LYPD6: variants seen among roughly 807,000 people sequenced by gnomAD.
LYPD6 encodes the protein ly6/PLAUR domain-containing protein 6.
A neutral mutation model predicts 22.7 loss-of-function variants in LYPD6; 15 were observed. The ratio of observed to expected loss-of-function variants is 0.66; its 90% CI spans 0.44 to 1.02. The LOEUF is 1.02. Ranked by LOEUF, LYPD6 falls within the 50% of genes least tolerant of loss-of-function variation. The probability of loss-of-function intolerance (pLI) is 0.00; values close to 1 mark genes in which losing one functional copy is unlikely to be tolerated. For synonymous variants in LYPD6, 72 were observed against 77.5 expected (o/e 0.93, Z 0.37); for missense variants, 189 against 208.4 (o/e 0.91, Z 0.57).
At chr2:149,475,049 T>C (rs1421708411), downstream of LYPD6, among the ~76,000 whole-genome samples, 3 of 152,186 alleles carry the variant, frequency 2.0e-5, no homozygotes, top group Non-Finnish European at 4.4e-5. Context: ...AAAGAAATTC[T>C]TCACTTTATA....
intron 3 of LYPD6, among the ~76,000 whole-genome samples, chr2:149,452,507 A>G (rs560841902): frequency 6.6e-6 from 1 of 152,364 alleles, no homozygotes; most frequent in African/African-American, 2.4e-5. Flanking sequence ...AGGAAGGGCA[A>G]CTGAGACACT....
chr2:149,458,224 C>G (rs1184828414), intron 3 of LYPD6, among the ~76,000 whole-genome samples: 2 of 152,160 alleles, frequency 1.3e-5, no homozygotes, highest in Non-Finnish European at 1.5e-5. Flanking sequence ...TCCCTCCCCA[C>G]CAGGCAGTAA....
intron 1 of LYPD6, among the ~76,000 whole-genome samples, chr2:149,391,017 G>C (rs563541345): frequency 1.3e-4 from 20 of 152,324 alleles, no homozygotes; most frequent in Admixed American, 6.5e-4. Context: ...CAGTGTTATT[G>C]TGCCAGTATA....
chr2:149,359,383 C>G (rs990829505), intron 1 of LYPD6, among the ~76,000 whole-genome samples: 1 of 152,160 alleles, frequency 6.6e-6, no homozygotes, highest in Non-Finnish European at 1.5e-5. Context: ...AACTTCAGCT[C>G]TTTAGTTGAA....
chr2:149,444,222 C>T (rs1286758705), intron 2 of LYPD6, among the ~76,000 whole-genome samples: 2 of 152,158 alleles, frequency 1.3e-5, no homozygotes, highest in Non-Finnish European at 2.9e-5. Flanking sequence ...CGTTGGCCAC[C>T]ATGTTCCACC....
chr2:149,484,990 T>C, the LYPD6 span, among the ~76,000 whole-genome samples: 2 of 152,196 alleles, frequency 1.3e-5, no homozygotes, highest in African/African-American at 4.8e-5. Flanking sequence ...TTGTTCTGTT[T>C]CTTGTCTTGG....
At position 149,435,252 on chromosome 2, in the gene LYPD6, C is replaced by T. The variant is rs377329453; in HGVS notation, c.-71-2386C>T. Among the ~76,000 whole-genome samples, 780 of 152,304 alleles carry T rather than the reference C, an allele frequency of 5.1e-3. 3 individuals carry two copies. Among genetic ancestry groups the T allele is most frequent in the African/African-American group, 0.018 (762 of 41,562 alleles). On this transcript the variant is annotated intron_variant, in intron 1 of 4. Coordinates refer to ENST00000334166, the MANE Select transcript of LYPD6 (RefSeq NM_194317.5). ...GAGAAATCTCTGTTGTATAAGCCCC[C>T]CAGTCTATGGTATTTTGTTACGGCA...
chr2:149,336,317 A>G (rs897078961), intron 1 of LYPD6, among the ~76,000 whole-genome samples: 3 of 152,226 alleles, frequency 2.0e-5, no homozygotes, highest in African/African-American at 7.2e-5. Context: ...AACTTAAAAG[A>G]TCATCTAAAT....
intron 2 of LYPD6, among the ~76,000 whole-genome samples, chr2:149,441,258 A>G (rs1452311526): frequency 6.6e-6 from 1 of 152,210 alleles, no homozygotes; most frequent in Admixed American, 6.5e-5. Context: ...TTGTAGATGA[A>G]GGCACAAACA....
chr2:149,359,331 T>A (rs541985916), intron 1 of LYPD6, among the ~76,000 whole-genome samples: 1 of 152,316 alleles, frequency 6.6e-6, no homozygotes, highest in African/African-American at 2.4e-5. Context: ...TGGCACACAG[T>A]AGGCACACAA....
At chr2:149,353,925 G>T (rs1681404973) in intron 1 of LYPD6, among the ~76,000 whole-genome samples, 1 of 152,156 alleles carries the variant, frequency 6.6e-6, no homozygotes, top group African/African-American at 2.4e-5. Flanking sequence ...CCACAAAAGG[G>T]TGGTTCTGCC....
chr2:149,468,187 A>ACC (rs1345072196), intron 3 of LYPD6, among the ~76,000 whole-genome samples: 1 of 141,262 alleles, frequency 7.1e-6, no homozygotes, highest in Non-Finnish European at 1.5e-5. Flanking sequence ...ACACACACAC[A>ACC]CCAGCCACTG....
chr2:149,462,579 T>C (rs1481779492), intron 3 of LYPD6, among the ~76,000 whole-genome samples: 1 of 151,528 alleles, frequency 6.6e-6, no homozygotes, highest in Non-Finnish European at 1.5e-5. Context: ...ACAGTTTATA[T>C]GGAAAGATAA....
At chr2:149,392,877 T>A (rs1419274110) in intron 1 of LYPD6, among the ~76,000 whole-genome samples, 1 of 151,924 alleles carries the variant, frequency 6.6e-6, no homozygotes, top group African/African-American at 2.4e-5. Flanking sequence ...TACAAAAAAA[T>A]TTAGCTGGGC....
chr2:149,449,903 G>A (rs892535212), intron 3 of LYPD6, among the ~76,000 whole-genome samples: 3 of 152,154 alleles, frequency 2.0e-5, no homozygotes, highest in African/African-American at 7.2e-5. Flanking sequence ...TAATTCAGTT[G>A]TTAAAATGGC....
intron 1 of LYPD6, among the ~76,000 whole-genome samples, chr2:149,421,510 C>A (rs1260263033): frequency 6.6e-6 from 1 of 151,466 alleles, no homozygotes; most frequent in Non-Finnish European, 1.5e-5. Context: ...TTACAGAAAG[C>A]ACCTATGGAA....
intron 1 of LYPD6, among the ~76,000 whole-genome samples, chr2:149,344,678 G>C (rs78348108): frequency 6.6e-6 from 1 of 152,076 alleles, no homozygotes; most frequent in African/African-American, 2.4e-5. Context: ...TTTTTATTTG[G>C]CTTCTGCACC....
intron 1 of LYPD6, among the ~76,000 whole-genome samples, chr2:149,392,751 C>T (rs1227952998): frequency 1.3e-5 from 2 of 152,128 alleles, no homozygotes; most frequent in Non-Finnish European, 1.5e-5. Flanking sequence ...CTTGGCTGGG[C>T]GCGGTGGCTC....
intron 1 of LYPD6, among the ~76,000 whole-genome samples, chr2:149,345,593 G>T (rs1237182745): frequency 6.6e-6 from 1 of 151,898 alleles, no homozygotes; most frequent in Non-Finnish European, 1.5e-5. Context: ...GGGATTACAG[G>T]TGGGAGCCAA....
Sources: gnomAD v4.1 joint callset for allele counts (sites outside exome capture counted in the v4.1 genomes callset) on GRCh38, gnomAD v4.1.1 for gene constraint, MANE v1.5 for transcripts, NCBI Gene and HGNC (gene_info 2026-07-23, HGNC 2026-07-21) for gene names.